OGDHL: variants seen among roughly 807,000 people sequenced by gnomAD.
OGDHL encodes oxoglutarate dehydrogenase L, also known as 2-oxoglutarate dehydrogenase-like, mitochondrial.
Under a neutral mutation model 109.6 loss-of-function variants are expected in OGDHL, and 79 were observed. The ratio of observed to expected loss-of-function variants is 0.72; its 90% confidence interval spans 0.60 to 0.87. The LOEUF (loss-of-function observed/expected upper bound fraction) is 0.87. Among genes scored for constraint, OGDHL ranks in the 40% least tolerant of loss-of-function variants. OGDHL has a pLI of 0.00. For missense variants in OGDHL, 1,275 were observed against 1,362.2 expected, an observed-to-expected ratio of 0.94 and a Z score of 1.01; for synonymous variants, 528 against 537.2, an observed-to-expected ratio of 0.98 and a Z score of 0.24.
chr10:49,738,274 C>T lies in OGDHL; in HGVS notation c.2320-12G>A, dbSNP rs187690070. ...GAGTGCTCTGGGCCCTGAAAGCAAA[C>T]GCCAGACAGCCAAGGCTGGACCCCA... is the stretch of plus-strand genomic sequence containing the variant. On this transcript the variant is annotated splice_polypyrimidine_tract_variant and intron_variant, in intron 17 of 22. Transcript: ENST00000374103. 2.8e-5 allele frequency: 45 copies of T among 1,612,258 alleles called. No individual in the cohort carries two copies. Among genetic ancestry groups the T allele is most frequent in the South Asian group, 7.7e-5 (7 of 90,992 alleles).
At chr10:49,744,173 C>T in intron 13 of OGDHL, 51 bp from the exon 14 acceptor site, 1 of 1,596,422 alleles carries the variant, frequency 6.3e-7, no homozygotes, top group South Asian at 1.1e-5. Flanking sequence ...GGGTTCTGAT[C>T]CCCCTGGCCA....
chr10:49,743,301 C>T (rs2133005947), intron 14 of OGDHL, among the ~76,000 whole-genome samples: 1 of 152,340 alleles, frequency 6.6e-6, no homozygotes, highest in Middle Eastern at 3.4e-3. Context: ...CAGGCTTATG[C>T]TGTGCTCCTG....
chr10:49,739,924 C>A (rs1411467679), intron 16 of OGDHL, 85 bp from the exon 17 acceptor site: 8 of 1,345,982 alleles, frequency 5.9e-6, no homozygotes, highest in Non-Finnish European at 8.1e-6. Flanking sequence ...CTCAGTATAT[C>A]CTCCATGCCC....
intron 20 of OGDHL, among the ~76,000 whole-genome samples, chr10:49,736,926 C>T (rs1199878876): frequency 6.6e-6 from 1 of 152,190 alleles, no homozygotes; most frequent in Non-Finnish European, 1.5e-5. Context: ...GAGGCTGCTG[C>T]ATGCTCCTCC....
chr10:49,742,575 CCA>C (rs1030938035), intron 15 of OGDHL, among the ~76,000 whole-genome samples: 6 of 130,122 alleles, frequency 4.6e-5, no homozygotes, highest in Non-Finnish European at 8.4e-5. Context: ...CACACACCCC[CCA>C]CACACACATG....
chr10:49,745,908 T>C lies in OGDHL; in HGVS notation c.1366A>G (p.Asn456Asp). ...GCATTCACATGGAAGATAGGCGCAT[T>C]GACCACCCGGGCCACGTCGGTCGGG... ...PYPTDVARVV[N>D]APIFHVNADD... Residue 456 changes from asparagine to aspartate, a missense_variant, in exon 11 of 23, where the codon AAT becomes GAT. By Grantham distance (23) the Asn-to-Asp change is conservative. Transcript: ENST00000374103. 1.9e-6 allele frequency: 3 copies of C among 1,614,186 alleles called. No homozygotes were observed. Among genetic ancestry groups the C allele is most frequent in the Non-Finnish European group, 2.5e-6 (3 of 1,180,028 alleles).
chr10:49,751,961 A>C lies in OGDHL; in HGVS notation c.615T>G (p.Ile205Met). The C allele has an allele frequency of 2.5e-6, 4 of 1,614,158 alleles. No homozygotes were observed. The highest frequency in any genetic ancestry group is 3.4e-6 in the Non-Finnish European group (4 of 1,180,022). Reference protein sequence around the residue: ...RRLENTYCQHIGLEFMFINDV... With the variant: ...RRLENTYCQHMGLEFMFINDV... The stretch of plus-strand genomic sequence containing the variant: ...CGTTGATGAACATGAACTCCAGGCC[A>C]ATGTGCTGGCAGTAGGTGTTCTGGG... The change falls in exon 6 of 23, where the codon ATT becomes ATG. Residue 205 changes from isoleucine to methionine, a missense_variant. By Grantham distance (10) the Ile-to-Met change is conservative. Coordinates refer to ENST00000374103, the MANE Select transcript of OGDHL (RefSeq NM_018245.3).
intron 3 of OGDHL, 90 bp from the exon 4 acceptor site, chr10:49,752,830 C>A: frequency 1.1e-6 from 1 of 896,978 alleles, no homozygotes; most frequent in Non-Finnish European, 1.7e-6. Flanking sequence ...CCCCTCTCTT[C>A]CCATTCCCGA....
chr10:49,745,946 C>A lies in OGDHL; in HGVS notation c.1328G>T (p.Arg443Leu), dbSNP rs1473783969. ...IGFTTDPRMA[R>L]SSPYPTDVAR... is the part of the protein sequence containing the mutation. Reference sequence around the variant, plus strand: ...CACGTCGGTCGGGTATGGTGAGGAGCGGGCCATTCGGGGGTCTGTGGTGAA... The same window carrying A: ...CACGTCGGTCGGGTATGGTGAGGAGAGGGCCATTCGGGGGTCTGTGGTGAA... Residue 443 changes from arginine to leucine, a missense_variant, in exon 11 of 23, where the codon CGC becomes CTC. Physicochemically the swap from Arg to Leu is moderately radical, Grantham distance 102. Coordinates refer to ENST00000374103, the MANE Select transcript of OGDHL (RefSeq NM_018245.3). The A allele has an allele frequency of 2.5e-6, 4 of 1,614,190 alleles. No homozygotes were observed. Among genetic ancestry groups the A allele is most frequent in the Non-Finnish European group, 3.4e-6 (4 of 1,180,030 alleles).
At chr10:49,756,990 G>A (rs1317683121) in intron 2 of OGDHL, 44 bp from the exon 3 acceptor site, 1 of 1,584,504 alleles carries the variant, frequency 6.3e-7, no homozygotes, top group Non-Finnish European at 8.6e-7. Context: ...CAGGGCCTGG[G>A]AAGAGTCAGG....
At position 49,740,727 on chromosome 10, in the gene OGDHL, G is replaced by A. The variant is rs138401698; in HGVS notation, c.2123C>T (p.Ser708Leu). ...GGACCCACCCAGGACTCCGTACTCC[G>A]AGAGGGAGCTGTTGCACACGGTGTA... ...APYTVCNSSL[S>L]EYGVLGFELG... The change falls in exon 16 of 23, where the codon TCG becomes TTG. Residue 708 changes from serine (S) to leucine (L), a missense_variant. Ser to Leu is a moderately radical substitution (Grantham distance 145). Transcript: ENST00000374103. 12 of 1,613,660 alleles carry A rather than the reference G, an allele frequency of 7.4e-6. No homozygotes were observed. The highest frequency in any genetic ancestry group is 5.3e-5 in the African/African-American group (4 of 74,924).
chr10:49,745,403 G>A lies in OGDHL; in HGVS notation c.1570C>T (p.Leu524=). ...YKQIHRQVPV[L]KKYADKLIAE... ...ATCAGCTTGTCTGCGTACTTCTTCAGCACAGGCACCTGTCTGTGGATCTGC... is the reference window on the plus strand; with the variant it reads ...ATCAGCTTGTCTGCGTACTTCTTCAACACAGGCACCTGTCTGTGGATCTGC... Residue 524 remains leucine, a synonymous_variant, in exon 12 of 23, where the codon CTG becomes TTG. Transcript: ENST00000374103. The A allele has an allele frequency of 3.7e-6, 6 of 1,614,140 alleles. No individual in the cohort carries two copies. The highest frequency in any genetic ancestry group is 4.2e-6 in the Non-Finnish European group (5 of 1,180,032).
chr10:49,735,144 G>A lies in OGDHL; in HGVS notation c.*84C>T. ...TGGGGCCCCACAGCCCCTCTCCTGG[G>A]CAGGAGCTCCGCCCCTCCCCTTTTC... is the stretch of plus-strand genomic sequence containing the variant. On this transcript the variant is annotated 3_prime_UTR_variant, in exon 23 of 23. Coordinates refer to ENST00000374103, the MANE Select transcript of OGDHL (RefSeq NM_018245.3). 6.5e-7 allele frequency: 1 copy of A among 1,544,746 alleles called. No individual in the cohort carries two copies. Among genetic ancestry groups the A allele is most frequent in the Non-Finnish European group, 8.7e-7 (1 of 1,145,410 alleles).
intron 3 of OGDHL, among the ~76,000 whole-genome samples, chr10:49,754,811 AC>A (rs1171975331): frequency 6.6e-6 from 1 of 152,152 alleles, no homozygotes; most frequent in African/African-American, 2.4e-5. Flanking sequence ...ACTTGGGAAA[AC>A]CCTACAGGAC....
Position 49,734,952 on chromosome 10 carries a change from GAGA to G in OGDHL, c.*273_*275del, listed in dbSNP as rs1590663853. 1 of 281,054 alleles carries G rather than the reference GAGA, an allele frequency of 3.6e-6. No homozygotes were observed. The highest frequency in any genetic ancestry group is 7.1e-5 in the East Asian group (1 of 14,156). The allele number at this position is 281,054 out of a possible 1,614,324, so 17.4% of individuals were successfully genotyped here. A position where few individuals can be genotyped will look rare whatever the true frequency, so the allele number is the denominator to read the frequency against. On this transcript the variant is annotated 3_prime_UTR_variant, in exon 23 of 23. Transcript: ENST00000374103. ...GGGTGTCTGTCTTGAGATACAGGTGGAGAAGCCGCCCAAGAAATTCCAGCAAGA... is the reference window on the plus strand; with the variant it reads ...GGGTGTCTGTCTTGAGATACAGGTGGAGCCGCCCAAGAAATTCCAGCAAGA...
At chr10:49,741,971 C>G (rs1841712549) in intron 15 of OGDHL, among the ~76,000 whole-genome samples, 1 of 109,256 alleles carries the variant, frequency 9.2e-6, no homozygotes, top group Admixed American at 1.1e-4. Flanking sequence ...ACTACATACA[C>G]TACACACACA....
rs1159955833 is a variant in OGDHL at position 49,739,675 on chromosome 10, C to T, written c.2305G>A (p.Gly769Ser). 6.2e-7 allele frequency: 1 copy of T among 1,613,612 alleles called. No homozygotes were observed. ...HNGIVLLLPH[G>S]MEGMGPEHSS... is the part of the protein sequence containing the mutation. ...GCAGCCCTCACCATGCCTTCCATGC[C>T]ATGGGGCAGCAGCAGCACAATGCCA... The change falls in exon 17 of 23, where the codon GGC (glycine) becomes AGC (serine). Residue 769 changes from glycine to serine, a missense_variant. Transcript: ENST00000374103.
intron 2 of OGDHL, 60 bp from the exon 3 acceptor site, chr10:49,757,006 C>T: frequency 1.3e-6 from 2 of 1,549,130 alleles, no homozygotes; most frequent in South Asian, 1.2e-5. Context: ...TCAGGGGTGG[C>T]CCAGGCTGGG....
At chr10:49,740,912 G>A in intron 15 of OGDHL, 75 bp from the exon 16 acceptor site, 1 of 1,571,820 alleles carries the variant, frequency 6.4e-7, no homozygotes, top group Non-Finnish European at 8.7e-7. Context: ...AGGGGAGCTG[G>A]GCAGCAGGAG....
Sources: gnomAD v4.1 joint callset for allele counts (sites outside exome capture counted in the v4.1 genomes callset) on GRCh38, gnomAD v4.1.1 for gene constraint, MANE v1.5 for transcripts, NCBI Gene and HGNC (gene_info 2026-07-23, HGNC 2026-07-21) for gene names.